The following GPC6 variants were observed in gnomAD, a reference collection of about 807,000 sequenced individuals.
The protein encoded by GPC6 is glypican 6, also known as glypican-6.
In GPC6, 14 loss-of-function variants were observed where a neutral mutation model predicts 55.2. The observed-to-expected ratio is 0.25, with a 90% confidence interval of 0.17 to 0.40. The LOEUF (loss-of-function observed/expected upper bound fraction) is 0.40, where lower values mean the gene tolerates loss of function less well. Ranked by LOEUF, GPC6 falls within the 10% of genes least tolerant of loss-of-function variation. The pLI is 1.00. For synonymous variants in GPC6, 278 were observed against 259.6 expected, an observed-to-expected ratio of 1.07 and a Z score of -0.68; for missense variants, 641 against 708.5, an observed-to-expected ratio of 0.90 and a Z score of 1.08.
At chr13:93,666,770 C>T (rs977737059) in intron 2 of GPC6, among the ~76,000 whole-genome samples, 15 of 152,060 alleles carry the variant, frequency 9.9e-5, no homozygotes, top group Non-Finnish European at 1.6e-4. Flanking sequence ...AAAGGATGTA[C>T]GCCATCAACA....
rs9561300 is a variant in GPC6 at position 93,297,014 on chromosome 13, G to A, written c.160+69398G>A. Among the ~76,000 whole-genome samples the A allele has an allele frequency of 1.6e-3, 242 of 152,136 alleles. 3 individuals carry two copies. Among genetic ancestry groups the A allele is most frequent in the African/African-American group, 4.9e-3 (204 of 41,492 alleles). ...AACAACTGAAGAGAAGCTGAGTCACGTGTAGGCTGGAGTTAGACAGTGAGC... is the reference window on the plus strand; with the variant it reads ...AACAACTGAAGAGAAGCTGAGTCACATGTAGGCTGGAGTTAGACAGTGAGC... On this transcript the variant is annotated intron_variant, in intron 1 of 8. Coordinates refer to ENST00000377047, the MANE Select transcript of GPC6 (RefSeq NM_005708.5).
intron 2 of GPC6, among the ~76,000 whole-genome samples, chr13:93,783,023 C>T (rs949257331): frequency 1.3e-5 from 2 of 152,078 alleles, no homozygotes; most frequent in African/African-American, 2.4e-5. Flanking sequence ...CACTGTGTGT[C>T]CATGTGTTCT....
chr13:93,522,452 G>A (rs1881456673), intron 1 of GPC6, among the ~76,000 whole-genome samples: 1 of 151,818 alleles, frequency 6.6e-6, no homozygotes. Flanking sequence ...CCATTAATTA[G>A]CTAAATAACA....
intron 1 of GPC6, among the ~76,000 whole-genome samples, chr13:93,412,009 A>T (rs1170567239): frequency 2.6e-5 from 4 of 151,884 alleles, no homozygotes; most frequent in East Asian, 1.9e-4. Flanking sequence ...TCTCAAAAAA[A>T]AAAAATAAAT....
intron 1 of GPC6, among the ~76,000 whole-genome samples, chr13:93,442,245 G>T (rs1280024208): frequency 6.6e-6 from 1 of 152,108 alleles, no homozygotes; most frequent in African/African-American, 2.4e-5. Context: ...AGTTTAGGAA[G>T]ATTTTCTAGC....
intron 1 of GPC6, among the ~76,000 whole-genome samples, chr13:93,293,533 T>C (rs1878384834): frequency 6.6e-6 from 1 of 152,188 alleles, no homozygotes; most frequent in Non-Finnish European, 1.5e-5. Flanking sequence ...ATCTGAGTAA[T>C]GGACAATTTC....
chr13:93,526,808 A>G (rs376324451), intron 1 of GPC6, among the ~76,000 whole-genome samples: 1 of 152,130 alleles, frequency 6.6e-6, no homozygotes, highest in Admixed American at 6.6e-5. Context: ...AGGTTAAATG[A>G]TATTGATTTA....
chr13:94,286,074 T>G (rs1164311381), intron 4 of GPC6, among the ~76,000 whole-genome samples: 1 of 152,226 alleles, frequency 6.6e-6, no homozygotes, highest in Non-Finnish European at 1.5e-5. Flanking sequence ...TTTTACTTCA[T>G]GTGGAATCAT....
chr13:93,810,369 C>G (rs1886659805), intron 2 of GPC6, among the ~76,000 whole-genome samples: 1 of 152,124 alleles, frequency 6.6e-6, no homozygotes, highest in South Asian at 2.1e-4. Context: ...CTGCACAAAC[C>G]CAAATGAGAT....
chr13:93,895,513 A>C (rs1017704300), intron 3 of GPC6, among the ~76,000 whole-genome samples: 2 of 151,848 alleles, frequency 1.3e-5, no homozygotes, highest in Non-Finnish European at 2.9e-5. Flanking sequence ...AAGAAGCAAC[A>C]GAAAATTCAT....
chr13:94,270,964 ATTTTTTTTTTTTTTTTTTTTTTTTTTT>A (rs764819082), intron 4 of GPC6, among the ~76,000 whole-genome samples: 4 of 49,578 alleles, frequency 8.1e-5, no homozygotes, highest in Non-Finnish European at 1.5e-4. Context: ...GAGAAGTATA[ATTTTTTTTTTTTTTTTTTTTTTTTTTT>A]TTTTTTTTTT....
intron 4 of GPC6, among the ~76,000 whole-genome samples, chr13:94,117,787 A>T (rs1180862407): frequency 6.6e-6 from 1 of 152,066 alleles, no homozygotes; most frequent in Non-Finnish European, 1.5e-5. Flanking sequence ...CATTTATTGC[A>T]ATTACTCATT....
intron 3 of GPC6, among the ~76,000 whole-genome samples, chr13:93,919,548 A>G (rs1230159913): frequency 6.6e-6 from 1 of 152,232 alleles, no homozygotes; most frequent in Non-Finnish European, 1.5e-5. Context: ...GATACTTTAG[A>G]CATTTATTTG....
intron 7 of GPC6, among the ~76,000 whole-genome samples, chr13:94,391,443 C>G (rs985322137): frequency 1.2e-4 from 19 of 152,146 alleles, no homozygotes; most frequent in Non-Finnish European, 2.4e-4. Flanking sequence ...GATGTCAGAT[C>G]TCATGAAGTC....
chr13:94,113,669 C>T (rs9589907), intron 4 of GPC6, among the ~76,000 whole-genome samples: 226 of 152,172 alleles, frequency 1.5e-3, no homozygotes, highest in Non-Finnish European at 2.4e-3. Flanking sequence ...ATCCAGCCAA[C>T]TAGGAAGTGA....
intron 2 of GPC6, among the ~76,000 whole-genome samples, chr13:93,587,120 G>C (rs941484028): frequency 1.3e-5 from 2 of 152,038 alleles, no homozygotes; most frequent in African/African-American, 4.8e-5. Context: ...TATGAGATGT[G>C]CAATTTTGGG....
chr13:94,143,643 C>T (rs988374770), intron 4 of GPC6, among the ~76,000 whole-genome samples: 1 of 152,124 alleles, frequency 6.6e-6, no homozygotes, highest in South Asian at 2.1e-4. Flanking sequence ...AATCCCTGCA[C>T]TTTGGAGGCC....
chr13:93,670,780 A>G lies in GPC6; in HGVS notation c.319+125359A>G, dbSNP rs186821011. 1.8e-3 allele frequency among the ~76,000 whole-genome samples: 278 copies of G among 152,318 alleles called. 2 individuals are homozygous for G. Among genetic ancestry groups the G allele is most frequent in the Non-Finnish European group, 3.0e-3 (204 of 68,030 alleles). ...TAGCTCATCGTACAGGTCACCTTTAAAAGGACTAAATGCACTTAAGAAACA... is the reference window on the plus strand; with the variant it reads ...TAGCTCATCGTACAGGTCACCTTTAGAAGGACTAAATGCACTTAAGAAACA... On this transcript the variant is annotated intron_variant, in intron 2 of 8. Transcript: ENST00000377047.
At chr13:93,265,890 C>T (rs531052205) in intron 1 of GPC6, among the ~76,000 whole-genome samples, 8 of 151,826 alleles carry the variant, frequency 5.3e-5, no homozygotes, top group Admixed American at 6.6e-5. Context: ...CAGGAGCCAC[C>T]GCAGCTCTCA....
Sources: allele counts gnomAD v4.1 joint callset (sites outside exome capture counted in the v4.1 genomes callset), GRCh38; gene constraint gnomAD v4.1.1; transcripts MANE v1.5; gene names NCBI Gene and HGNC (gene_info 2026-07-23, HGNC 2026-07-21).